THAP2: variants seen among roughly 807,000 people sequenced by gnomAD.
THAP2 encodes THAP domain containing 2, also known as THAP domain-containing protein 2.
In THAP2, 16 loss-of-function variants were observed where a neutral mutation model predicts 18.8. The observed-to-expected ratio is 0.85, with a 90% CI of 0.58 to 1.29. The LOEUF is 1.29. Among genes scored for constraint, THAP2 ranks in the 50% most tolerant of loss-of-function variants. The pLI is 0.00. For missense variants in THAP2, 251 were observed against 265.3 expected (o/e 0.95, Z 0.38); for synonymous variants, 80 against 89.2 (o/e 0.90, Z 0.58).
At chr12:71,669,561 T>G (rs1881398582) in intron 1 of THAP2, among the ~76,000 whole-genome samples, 1 of 152,172 alleles carries the variant, frequency 6.6e-6, no homozygotes. Flanking sequence ...TAGCTTAGCC[T>G]TTAGGAAATA....
chr12:71,672,656 C>G (rs1405403226), intron 1 of THAP2, among the ~76,000 whole-genome samples: 3 of 151,290 alleles, frequency 2.0e-5, no homozygotes, highest in Non-Finnish European at 4.4e-5. Flanking sequence ...TTACAGTGGT[C>G]CTGGATTTAT....
chr12:71,674,186 A>ATTTTTTTT lies in THAP2; in HGVS notation c.72-11_72-4dup. ...TTATGATAGTTGGAATTTGAGTTGC[A>ATTTTTTTT]TTTTTTTTTTTTTAAGGTTTCCTTT... is the stretch of plus-strand genomic sequence containing the variant. On this transcript the variant is annotated splice_polypyrimidine_tract_variant and intron_variant, in intron 1 of 2. Transcript: ENST00000308086. 1 of 1,351,318 alleles carries ATTTTTTTT rather than the reference A, an allele frequency of 7.4e-7. No homozygotes were observed. Among genetic ancestry groups the ATTTTTTTT allele is most frequent in the South Asian group, 1.4e-5 (1 of 70,728 alleles). 83.7% of individuals were successfully genotyped at this position (1,351,318 alleles called of 1,614,324 possible).
chr12:71,676,899 C>T lies in THAP2; in HGVS notation c.478C>T (p.Arg160Cys), dbSNP rs374931585. ...RKMKTCLQKE[R>C]RATRRWIKAT... ...AATGAAAACTTGCCTACAAAAGGAA[C>T]GCAGAGCAACTCGAAGATGGATCAA... The change falls in exon 3 of 3, where the codon CGC (arginine) becomes TGC (cysteine). Residue 160 changes from arginine (R) to cysteine (C), a missense_variant. Coordinates refer to ENST00000308086, the MANE Select transcript of THAP2 (RefSeq NM_031435.4). 54 of 1,613,532 alleles carry T rather than the reference C, an allele frequency of 3.3e-5. No individual in the cohort carries two copies. The highest frequency in any genetic ancestry group is 3.3e-4 in the Middle Eastern group (2 of 6,084).
In THAP2 at chr12:71,676,795, G is replaced by A. The variant is rs1171573646; in HGVS notation, c.374G>A (p.Ser125Asn). 2 of 1,613,566 alleles carry A rather than the reference G, an allele frequency of 1.2e-6. No individual in the cohort carries two copies. Among genetic ancestry groups the A allele is most frequent in the South Asian group, 1.1e-5 (1 of 91,068 alleles). Reference sequence around the variant, plus strand: ...AGTCAGCAAGTACTACTTGAACACAGCTATGCCTTTAGGAATCCTATGGAG... The same window carrying A: ...AGTCAGCAAGTACTACTTGAACACAACTATGCCTTTAGGAATCCTATGGAG... ...ISSQQVLLEH[S>N]YAFRNPMEAK... The change falls in exon 3 of 3, where the codon AGC becomes AAC. Residue 125 changes from serine (S) to asparagine (N), a missense_variant. Transcript: ENST00000308086.
At chr12:71,666,356 C>CA (rs1389151374) in intron 1 of THAP2, among the ~76,000 whole-genome samples, 4 of 151,892 alleles carry the variant, frequency 2.6e-5, no homozygotes, top group South Asian at 4.2e-4. Context: ...CAAAAAAATA[C>CA]AAAAAAATCA....
In THAP2 at chr12:71,678,052, GA is replaced by G. The variant is rs1199900190; in HGVS notation, c.*947del. The G allele has an allele frequency of 6.6e-6, 1 of 151,912 alleles. No homozygotes were observed. The highest frequency in any genetic ancestry group is 1.5e-5 in the Non-Finnish European group (1 of 68,000). The allele number at this position is 151,912 out of a possible 1,614,324, so 9.4% of individuals were successfully genotyped here. On this transcript the variant is annotated 3_prime_UTR_variant, in exon 3 of 3. Transcript: ENST00000308086. The stretch of plus-strand genomic sequence containing the variant: ...AACCCACAGTAAAATTTAATCACAG[GA>G]AACTACTTATATCTTCACACTTTGT...
At chr12:71,669,731 GGATCACCTGAGGTCAA>G (rs1434112346) in intron 1 of THAP2, among the ~76,000 whole-genome samples, 2 of 152,016 alleles carry the variant, frequency 1.3e-5, no homozygotes, top group Non-Finnish European at 2.9e-5. Flanking sequence ...CGAGGCAGGT[GGATCACCTGAGGTCAA>G]GAGTTCAAGA....
At position 71,664,380 on chromosome 12, in the gene THAP2, C is replaced by A; in HGVS notation, c.-130C>A. The A allele has an allele frequency of 8.9e-7, 1 of 1,117,724 alleles. No individual in the cohort carries two copies. The highest frequency in any genetic ancestry group is 1.3e-6 in the Non-Finnish European group (1 of 745,710). 69.2% of individuals were successfully genotyped at this position (1,117,724 alleles called of 1,614,324 possible). A position where few individuals can be genotyped will look rare whatever the true frequency, so the allele number is the denominator to read the frequency against. On this transcript the variant is annotated 5_prime_UTR_variant, in exon 1 of 3. Coordinates refer to ENST00000308086, the MANE Select transcript of THAP2 (RefSeq NM_031435.4). ...CCCACATACACACCCCTTCTTCCCA[C>A]TCCGCTCTCACGACTAAGCTCTCAC... is the stretch of plus-strand genomic sequence containing the variant.
chr12:71,670,339 T>C (rs994869339), intron 1 of THAP2, among the ~76,000 whole-genome samples: 2 of 152,226 alleles, frequency 1.3e-5, no homozygotes, highest in African/African-American at 4.8e-5. Flanking sequence ...TACATGTCAA[T>C]GTTGATTCTT....
chr12:71,664,665 C>A, intron 1 of THAP2, 85 bp downstream of exon 1: 1 of 1,481,008 alleles, frequency 6.8e-7, no homozygotes, highest in Non-Finnish European at 9.4e-7. Flanking sequence ...GAGGATTCTG[C>A]TAATTCTAAT....
intron 1 of THAP2, among the ~76,000 whole-genome samples, chr12:71,666,222 A>G (rs931894224): frequency 1.3e-5 from 2 of 152,076 alleles, no homozygotes; most frequent in African/African-American, 4.8e-5. Context: ...ACCAATAACA[A>G]TGTTTAACCC....
At chr12:71,670,655 CCTG>C (rs1048069395) in intron 1 of THAP2, among the ~76,000 whole-genome samples, 2 of 151,932 alleles carry the variant, frequency 1.3e-5, no homozygotes, top group African/African-American at 4.8e-5. Flanking sequence ...TTAAGAAAAT[CCTG>C]CCGGGCATGG....
In THAP2 at chr12:71,678,480, G is replaced by A. The variant is rs573446045; in HGVS notation, c.*1372G>A. On this transcript the variant is annotated 3_prime_UTR_variant, in exon 3 of 3. Transcript: ENST00000308086. ...AAAGGGTTTGCTTTATTTCACTAAT[G>A]TTTAATAGGAACCCTTTGCTTCAAA... 4 of 152,624 alleles carry A rather than the reference G, an allele frequency of 2.6e-5. No individual in the cohort carries two copies. The East Asian group carries it at 5.8e-4, about 22-fold the overall frequency. The allele number at this position is 152,624 out of a possible 1,614,324, so 9.5% of individuals were successfully genotyped here. A position where few individuals can be genotyped will look rare whatever the true frequency, so the allele number is the denominator to read the frequency against.
rs1464074061 is a variant in THAP2, at chr12:71,680,077, C to T, written c.*2969C>T. The T allele has an allele frequency of 1.3e-5, 2 of 152,154 alleles. No individual in the cohort carries two copies. The highest frequency in any genetic ancestry group is 2.4e-5 in the African/African-American group (1 of 41,442). 9.4% of individuals were successfully genotyped at this position (152,154 alleles called of 1,614,324 possible). ...ACAGATTTTTAAAATAACTCAGAAT[C>T]GTATAAAGCACTTTGGTACTTATTT... On this transcript the variant is annotated 3_prime_UTR_variant, in exon 3 of 3. Transcript: ENST00000308086.
chr12:71,674,876 G>A (rs1023501977), intron 2 of THAP2, among the ~76,000 whole-genome samples: 4 of 152,054 alleles, frequency 2.6e-5, no homozygotes, highest in African/African-American at 9.7e-5. Context: ...AGAGGAAAGG[G>A]AACTTGGCTT....
chr12:71,670,033 G>A (rs527775298), intron 1 of THAP2, among the ~76,000 whole-genome samples: 3 of 152,078 alleles, frequency 2.0e-5, no homozygotes, highest in African/African-American at 4.8e-5. Flanking sequence ...ATATACAGAT[G>A]TTAGTATCTT....
rs1046560061 is a variant in THAP2, at chr12:71,677,507, T to C, written c.*399T>C. 2 of 152,884 alleles carry C rather than the reference T, an allele frequency of 1.3e-5. No homozygotes were observed. Among genetic ancestry groups the C allele is most frequent in the African/African-American group, 4.8e-5 (2 of 41,488 alleles). 9.5% of individuals were successfully genotyped at this position (152,884 alleles called of 1,614,324 possible). A position where few individuals can be genotyped will look rare whatever the true frequency, so the allele number is the denominator to read the frequency against. ...AATAAGAGTTAACCAACATTCAACA[T>C]GACCTTAAAACTGCTGGGTTTTGTA... On this transcript the variant is annotated 3_prime_UTR_variant, in exon 3 of 3. Transcript: ENST00000308086.
At chr12:71,672,249 G>A (rs1881453608) in intron 1 of THAP2, among the ~76,000 whole-genome samples, 1 of 152,014 alleles carries the variant, frequency 6.6e-6, no homozygotes, top group Non-Finnish European at 1.5e-5. Flanking sequence ...GATCTTAATG[G>A]CATCTGGGAA....
At chr12:71,670,168 G>A (rs1410386715) in intron 1 of THAP2, among the ~76,000 whole-genome samples, 5 of 152,010 alleles carry the variant, frequency 3.3e-5, no homozygotes, top group Non-Finnish European at 4.4e-5. Context: ...CCTAGTATAT[G>A]CGATATACCC....
Sources: gnomAD v4.1 joint callset for allele counts (sites outside exome capture counted in the v4.1 genomes callset) on GRCh38, gnomAD v4.1.1 for gene constraint, MANE v1.5 for transcripts, NCBI Gene and HGNC (gene_info 2026-07-23, HGNC 2026-07-21) for gene names.